Variants in GRB10 observed in about 807,000 individuals in gnomAD.
GRB10 encodes the protein growth factor receptor bound protein 10.
Under a neutral mutation model 80.9 loss-of-function variants are expected in GRB10, and 20 were observed. The ratio of observed to expected loss-of-function variants is 0.25; its 90% CI spans 0.17 to 0.36. The LOEUF (loss-of-function observed/expected upper bound fraction) is 0.36. GRB10 is among the 10% of genes least tolerant of loss of function. GRB10 has a pLI of 1.00. For missense variants in GRB10, 548 were observed against 747.7 expected (o/e 0.73, Z 3.12); for synonymous variants, 291 against 291.5 (o/e 1.00, Z 0.02).
At chr7:50,598,502 G>C (rs775665510) in intron 17 of GRB10, among the ~76,000 whole-genome samples, 4 of 152,190 alleles carry the variant, frequency 2.6e-5, no homozygotes, top group Non-Finnish European at 5.9e-5. Flanking sequence ...GACAGGACCC[G>C]ACAGTGATCA....
intron 7 of GRB10, among the ~76,000 whole-genome samples, chr7:50,652,277 C>T (rs2058083862): frequency 6.6e-6 from 1 of 152,158 alleles, no homozygotes; most frequent in Non-Finnish European, 1.5e-5. Flanking sequence ...CCGTTAAGTA[C>T]CTGAGACCTG....
At chr7:50,664,324 A>G (rs1378704126) in intron 7 of GRB10, among the ~76,000 whole-genome samples, 1 of 152,104 alleles carries the variant, frequency 6.6e-6, no homozygotes, top group Non-Finnish European at 1.5e-5. Flanking sequence ...AGCCTTCTGA[A>G]CTTCACCCAG....
rs144864617 is a variant in GRB10 at position 50,596,647 on chromosome 7, T to G, written c.1545-1117A>C. Among the ~76,000 whole-genome samples, 3 of 152,340 alleles carry G rather than the reference T, an allele frequency of 2.0e-5. No individual in the cohort carries two copies. The East Asian group carries it at 5.8e-4, about 29-fold the overall frequency. Reference sequence around the variant, plus strand: ...ACTGTGGTTATAGAAGTTCTTGTTCTTAGAAATTTTACACTGTAATAATTC... The same window carrying G: ...ACTGTGGTTATAGAAGTTCTTGTTCGTAGAAATTTTACACTGTAATAATTC... On this transcript the variant is annotated intron_variant, in intron 17 of 18. Transcript: ENST00000401949.
intron 7 of GRB10, among the ~76,000 whole-genome samples, chr7:50,663,611 C>T (rs2059497219): frequency 6.6e-6 from 1 of 152,256 alleles, no homozygotes; most frequent in Non-Finnish European, 1.5e-5. Flanking sequence ...GGACTGCTGA[C>T]TGGAGCCACG....
At chr7:50,696,470 A>G (rs2063436524) in intron 5 of GRB10, among the ~76,000 whole-genome samples, 1 of 152,258 alleles carries the variant, frequency 6.6e-6, no homozygotes, top group African/African-American at 2.4e-5. Context: ...AAATGAAACC[A>G]GCACTCACTG....
intron 1 of GRB10, among the ~76,000 whole-genome samples, chr7:50,789,258 C>T (rs781743402): frequency 1.5e-4 from 23 of 152,190 alleles, no homozygotes; most frequent in Non-Finnish European, 5.9e-5. Flanking sequence ...TTCTAACCAA[C>T]CTTATAAATT....
chr7:50,760,834 G>A (rs1450062972), intron 2 of GRB10, among the ~76,000 whole-genome samples: 1 of 152,188 alleles, frequency 6.6e-6, no homozygotes, highest in Non-Finnish European at 1.5e-5. Context: ...AGGGCTCACA[G>A]CCATTCCTGA....
At chr7:50,627,781 C>CA (rs1192552102) in intron 7 of GRB10, among the ~76,000 whole-genome samples, 1 of 152,218 alleles carries the variant, frequency 6.6e-6, no homozygotes, top group Non-Finnish European at 1.5e-5. Context: ...CCGGAAAAAG[C>CA]AGTCAGAGGA....
chr7:50,625,191 T>C (rs1425455727), intron 8 of GRB10, among the ~76,000 whole-genome samples: 1 of 152,200 alleles, frequency 6.6e-6, no homozygotes, highest in Non-Finnish European at 1.5e-5. Context: ...TCCTTATATG[T>C]TAAAATTTTA....
intron 3 of GRB10, among the ~76,000 whole-genome samples, chr7:50,755,611 C>T (rs1346287748): frequency 6.6e-6 from 1 of 152,054 alleles, no homozygotes; most frequent in African/African-American, 2.4e-5. Flanking sequence ...GAGGCATGTC[C>T]GCGAGGAGAG....
At chr7:50,753,148 G>A (rs924945282) in intron 3 of GRB10, among the ~76,000 whole-genome samples, 1 of 152,096 alleles carries the variant, frequency 6.6e-6, no homozygotes, top group African/African-American at 2.4e-5. Flanking sequence ...CCCACCTCAG[G>A]CCCCACCACA....
intron 4 of GRB10, among the ~76,000 whole-genome samples, chr7:50,715,747 TATC>T (rs752368558): frequency 6.6e-6 from 1 of 152,194 alleles, no homozygotes; most frequent in Non-Finnish European, 1.5e-5. Context: ...GTTAAAATAA[TATC>T]ATGGGTGACT....
chr7:50,712,760 A>G (rs1284294359), intron 4 of GRB10, among the ~76,000 whole-genome samples: 1 of 152,260 alleles, frequency 6.6e-6, no homozygotes, highest in East Asian at 1.9e-4. Flanking sequence ...TTCAGCACAG[A>G]AACATCAATT....
chr7:50,603,672 C>T (rs946908686), intron 17 of GRB10, among the ~76,000 whole-genome samples: 2 of 152,196 alleles, frequency 1.3e-5, no homozygotes, highest in Non-Finnish European at 2.9e-5. Context: ...AATCAAAAAG[C>T]GTAGGCAAAA....
chr7:50,737,377 C>G (rs2070978197), intron 3 of GRB10, among the ~76,000 whole-genome samples: 2 of 152,230 alleles, frequency 1.3e-5, no homozygotes, highest in Non-Finnish European at 2.9e-5. Context: ...CTTTCTCCTG[C>G]TCCAGCCACG....
At chr7:50,661,459 C>T (rs867490781) in intron 7 of GRB10, among the ~76,000 whole-genome samples, 28 of 152,154 alleles carry the variant, frequency 1.8e-4, no homozygotes, top group African/African-American at 5.6e-4. Flanking sequence ...TGTAGCTGCA[C>T]GAGAATCTTT....
intron 13 of GRB10, among the ~76,000 whole-genome samples, chr7:50,610,746 A>T (rs980162341): frequency 2.0e-5 from 3 of 152,228 alleles, no homozygotes; most frequent in Non-Finnish European, 2.9e-5. Context: ...GCCCATAGCA[A>T]ATGCTCAAAA....
chr7:50,711,175 TA>T (rs60661876), intron 4 of GRB10, among the ~76,000 whole-genome samples: 110,688 of 143,320 alleles, frequency 0.77, 42,741 homozygotes, highest in Middle Eastern at 0.88. Context: ...CCAACCAAAT[TA>T]AAAAAAAAAA....
chr7:50,678,064 C>T (rs1563408011), intron 5 of GRB10, among the ~76,000 whole-genome samples: 1 of 152,218 alleles, frequency 6.6e-6, no homozygotes, highest in Non-Finnish European at 1.5e-5. Flanking sequence ...TTCCTAACAG[C>T]CCCTTGGCTG....
Sources: allele counts gnomAD v4.1 joint callset (sites outside exome capture counted in the v4.1 genomes callset), GRCh38; gene constraint gnomAD v4.1.1; transcripts MANE v1.5; gene names NCBI Gene and HGNC (gene_info 2026-07-23, HGNC 2026-07-21).